ZNF19: variants seen among roughly 807,000 people sequenced by gnomAD.
ZNF19 encodes zinc finger protein 19 (KOX 12).
ZNF19 carries 11 observed loss-of-function variants against 13.1 expected under a neutral mutation model. The observed-to-expected ratio is 0.84, with a 90% CI of 0.53 to 1.39. The LOEUF is 1.39. Ranked by LOEUF, ZNF19 falls within the 40% of genes most tolerant of loss-of-function variation. The pLI is 0.00. For missense variants in ZNF19, 560 were observed against 547.0 expected (o/e 1.02, Z -0.24); for synonymous variants, 186 against 187.0 (o/e 0.99, Z 0.04).
chr16:71,474,959 A>G lies in ZNF19; in HGVS notation c.*211T>C. The G allele has an allele frequency of 1.7e-6, 1 of 596,908 alleles. No individual in the cohort carries two copies. The highest frequency in any genetic ancestry group is 2.3e-5 in the South Asian group (1 of 42,638). The allele number at this position is 596,908 out of a possible 1,614,324, so 37.0% of individuals were successfully genotyped here. On this transcript the variant is annotated 3_prime_UTR_variant, in exon 6 of 6. Transcript: ENST00000288177. The stretch of plus-strand genomic sequence containing the variant: ...TCTAGTTCTTCTTCTCAGCATTAAA[A>G]CCAATGGGGGTGGGCGGGGGGAGAG...
In ZNF19 at chr16:71,475,466, C is replaced by G. The variant is rs184642580; in HGVS notation, c.1081G>C (p.Asp361His). 6.2e-7 allele frequency: 1 copy of G among 1,614,214 alleles called. No individual in the cohort carries two copies. The highest frequency in any genetic ancestry group is 1.7e-5 in the Admixed American group (1 of 60,026). Reference protein sequence around the residue: ...HSEEKPFDCVDCGKAFSAQEQ... With the variant: ...HSEEKPFDCVHCGKAFSAQEQ... ...TGAGCACTGAAGGCTTTTCCACAAT[C>G]TACACAGTCAAAGGGTTTCTCCTCA... The change falls in exon 6 of 6, where the codon GAT becomes CAT. Residue 361 changes from aspartate to histidine, a missense_variant. By Grantham distance (81) the Asp-to-His change is moderately conservative. Coordinates refer to ENST00000288177, the MANE Select transcript of ZNF19 (RefSeq NM_006961.4).
chr16:71,476,124 G>C lies in ZNF19; in HGVS notation c.423C>G (p.Ile141Met). ...TTCCTTGGATATTTTTCACTGTGGG[G>C]ATGTCCTGGTGCTTTTCCACATTAC... ...ETRNVEKHQD[I>M]PTVKNIQGKV... is the part of the protein sequence containing the mutation. The change falls in exon 6 of 6, where the codon ATC becomes ATG. Residue 141 changes from isoleucine (I) to methionine (M), a missense_variant. Physicochemically the swap from Ile to Met is conservative, Grantham distance 10. Transcript: ENST00000288177. 2 of 1,614,164 alleles carry C rather than the reference G, an allele frequency of 1.2e-6. No individual in the cohort carries two copies. The highest frequency in any genetic ancestry group is 1.7e-6 in the Non-Finnish European group (2 of 1,180,026).
intron 1 of ZNF19, among the ~76,000 whole-genome samples, chr16:71,485,444 C>G (rs1179285107): frequency 6.9e-6 from 1 of 144,268 alleles, no homozygotes; most frequent in East Asian, 2.0e-4. Flanking sequence ...AAGCAAAACT[C>G]CATCTCAAAA....
chr16:71,482,415 AC>A, intron 2 of ZNF19: 1 of 356,242 alleles, frequency 2.8e-6, no homozygotes, highest in South Asian at 6.5e-5. Context: ...AGCAAAAGAC[AC>A]CAATAAACTC....
chr16:71,473,805 G>C lies in ZNF19; in HGVS notation c.*1365C>G, dbSNP rs774536723. On this transcript the variant is annotated 3_prime_UTR_variant, in exon 6 of 6. Coordinates refer to ENST00000288177, the MANE Select transcript of ZNF19 (RefSeq NM_006961.4). ...TCACCATGTTGGCCAGGATGGTCTC[G>C]ATCTCTTGACCTGATGAATCGCCCA... The C allele has an allele frequency of 6.6e-6, 1 of 152,228 alleles. No individual in the cohort carries two copies. The highest frequency in any genetic ancestry group is 2.4e-5 in the African/African-American group (1 of 41,450). 9.4% of individuals were successfully genotyped at this position (152,228 alleles called of 1,614,324 possible). A position where few individuals can be genotyped will look rare whatever the true frequency, so the allele number is the denominator to read the frequency against.
intron 1 of ZNF19, among the ~76,000 whole-genome samples, chr16:71,485,786 G>A (rs2043674311): frequency 6.6e-6 from 1 of 152,106 alleles, no homozygotes; most frequent in Non-Finnish European, 1.5e-5. Flanking sequence ...TCAATGCAGA[G>A]TATAAAATTA....
chr16:71,488,848 T>A (rs1471417344), intron 1 of ZNF19: 1 of 152,264 alleles, frequency 6.6e-6, no homozygotes, highest in Non-Finnish European at 1.5e-5. Context: ...TATGGGACAA[T>A]GGCATTTGTT....
intron 5 of ZNF19, 179 bp downstream of exon 5, chr16:71,478,049 G>A: frequency 1.8e-6 from 1 of 566,134 alleles, no homozygotes; most frequent in Non-Finnish European, 3.2e-6. Context: ...AAGGATTGCA[G>A]ATGAGACGTA....
intron 1 of ZNF19, among the ~76,000 whole-genome samples, chr16:71,487,860 T>C (rs1043299103): frequency 6.6e-6 from 1 of 152,238 alleles, no homozygotes; most frequent in African/African-American, 2.4e-5. Context: ...AAAAAATATG[T>C]AGTTAAGCTA....
At chr16:71,488,628 G>A (rs1208393440) in intron 1 of ZNF19, among the ~76,000 whole-genome samples, 1 of 151,874 alleles carries the variant, frequency 6.6e-6, no homozygotes, top group African/African-American at 2.4e-5. Context: ...GTGAAACCCC[G>A]TCTCTACTAA....
rs1166007688 is a variant in ZNF19 at position 71,475,215 on chromosome 16, A to G, written c.1332T>C (p.Ile444=). ...VYSGEKPVLD[I]CRFGLPEFFT... ...AAAATTCTGGGAGGCCAAAACGACA[A>G]ATGTCCAGCACAGGCTTCTCTCCAG... Residue 444 remains isoleucine, a synonymous_variant, in exon 6 of 6, where the codon ATT becomes ATC. Coordinates refer to ENST00000288177, the MANE Select transcript of ZNF19 (RefSeq NM_006961.4). 16 of 1,613,256 alleles carry G rather than the reference A, an allele frequency of 9.9e-6. 1 individual carries two copies. The highest frequency in any genetic ancestry group is 9.9e-5 in the South Asian group (9 of 90,888).
intron 5 of ZNF19, among the ~76,000 whole-genome samples, chr16:71,477,202 G>A (rs1032445372): frequency 2.0e-5 from 3 of 152,180 alleles, no homozygotes; most frequent in African/African-American, 7.2e-5. Flanking sequence ...TGAGTTAAAG[G>A]AGTAAGGGAA....
intron 1 of ZNF19, among the ~76,000 whole-genome samples, chr16:71,487,858 T>G (rs1281459043): frequency 6.6e-6 from 1 of 152,234 alleles, no homozygotes; most frequent in Non-Finnish European, 1.5e-5. Context: ...CAAAAAAATA[T>G]GTAGTTAAGC....
chr16:71,482,295 T>A, intron 2 of ZNF19, 152 bp from the exon 3 acceptor site: 1 of 643,390 alleles, frequency 1.6e-6, no homozygotes. Flanking sequence ...ATCCACATCA[T>A]ACCATGAGGT....
At position 71,473,594 on chromosome 16, in the gene ZNF19, ATTTT is replaced by A. The variant is rs1436715778; in HGVS notation, c.*1572_*1575del. 6.6e-6 allele frequency: 1 copy of A among 151,978 alleles called. No individual in the cohort carries two copies. Among genetic ancestry groups the A allele is most frequent in the Non-Finnish European group, 1.5e-5 (1 of 67,986 alleles). 9.4% of individuals were successfully genotyped at this position (151,978 alleles called of 1,614,324 possible). A position where few individuals can be genotyped will look rare whatever the true frequency, so the allele number is the denominator to read the frequency against. On this transcript the variant is annotated 3_prime_UTR_variant, in exon 6 of 6. Transcript: ENST00000288177. Reference sequence around the variant, plus strand: ...TTGTACAACCATGATTCATGGTTTTATTTTATTTTATTGAGGAATCTCACTCTGT... The same window carrying A: ...TTGTACAACCATGATTCATGGTTTTAATTTTATTGAGGAATCTCACTCTGT...
At chr16:71,481,057 G>A (rs998536495) in intron 3 of ZNF19, among the ~76,000 whole-genome samples, 3 of 152,236 alleles carry the variant, frequency 2.0e-5, no homozygotes, top group Non-Finnish European at 4.4e-5. Flanking sequence ...TGGCACAAGT[G>A]GCAGAGAGAG....
intron 5 of ZNF19, among the ~76,000 whole-genome samples, chr16:71,476,655 G>C (rs557563204): frequency 6.6e-6 from 1 of 152,324 alleles, no homozygotes; most frequent in Admixed American, 6.5e-5. Flanking sequence ...ATCAGAAAGT[G>C]AAACAGAACA....
At chr16:71,482,273 A>G in intron 2 of ZNF19, 130 bp from the exon 3 acceptor site, 3 of 756,198 alleles carry the variant, frequency 4.0e-6, no homozygotes, top group Non-Finnish European at 4.4e-6. Context: ...GTGCATAAAT[A>G]TGTACTTTTT....
intron 5 of ZNF19, 74 bp from the exon 6 acceptor site, chr16:71,476,346 A>G: frequency 2.1e-6 from 3 of 1,457,048 alleles, no homozygotes; most frequent in East Asian, 4.7e-5. Flanking sequence ...ATTGAAAATG[A>G]TAAGGCTTTA....
Sources: gnomAD v4.1 joint callset for allele counts (sites outside exome capture counted in the v4.1 genomes callset) on GRCh38, gnomAD v4.1.1 for gene constraint, MANE v1.5 for transcripts, NCBI Gene and HGNC (gene_info 2026-07-23, HGNC 2026-07-21) for gene names.